JAK1: variants seen among roughly 807,000 people sequenced by gnomAD.
JAK1 encodes the protein tyrosine-protein kinase JAK1.
JAK1 carries 16 observed loss-of-function variants against 136.6 expected under a neutral mutation model. The ratio of observed to expected loss-of-function variants is 0.12; its 90% CI spans 0.08 to 0.18. JAK1 has a LOEUF of 0.18. Among genes scored for constraint, JAK1 ranks in the 10% least tolerant of loss-of-function variants. The pLI, the probability that JAK1 is intolerant of heterozygous loss-of-function variation, is 1.00. For missense variants in JAK1, 859 were observed against 1,450.1 expected (o/e 0.59, Z 6.62); for synonymous variants, 492 against 519.5 (o/e 0.95, Z 0.72).
chr1:65,027,384 T>C (rs1291690738), intron 2 of JAK1, among the ~76,000 whole-genome samples: 1 of 152,100 alleles, frequency 6.6e-6, no homozygotes, highest in Non-Finnish European at 1.5e-5. Flanking sequence ...ATCCTTGACA[T>C]CACTGCCGAC....
intron 2 of JAK1, among the ~76,000 whole-genome samples, chr1:65,009,968 C>T (rs1646834896): frequency 6.6e-6 from 1 of 152,182 alleles, no homozygotes; most frequent in Admixed American, 6.5e-5. Flanking sequence ...TAGTGTACTG[C>T]AATGGATTAT....
chr1:65,005,215 G>T (rs191742079), intron 2 of JAK1, among the ~76,000 whole-genome samples: 71 of 152,198 alleles, frequency 4.7e-4, no homozygotes, highest in African/African-American at 1.7e-3. Flanking sequence ...ATGGTGGCAC[G>T]CACCTGTAAT....
chr1:64,968,753 G>A (rs942976815), upstream of JAK1, among the ~76,000 whole-genome samples: 11 of 152,082 alleles, frequency 7.2e-5, no homozygotes, highest in Admixed American at 2.0e-4. Flanking sequence ...CCAACATGGC[G>A]AAACCCCATC....
intron 1 of JAK1, among the ~76,000 whole-genome samples, chr1:64,887,980 C>G (rs972514379): frequency 6.6e-6 from 1 of 152,136 alleles, no homozygotes; most frequent in African/African-American, 2.4e-5. Context: ...GGTTTCCTCA[C>G]AGCATACCGT....
intron 2 of JAK1, chr1:64,995,224 T>C (rs1030848473): frequency 4.6e-5 from 7 of 152,170 alleles, no homozygotes; most frequent in Admixed American, 1.3e-4. Context: ...GATTAGGAGA[T>C]TGATAGATTT....
upstream of JAK1, among the ~76,000 whole-genome samples, chr1:64,970,167 A>C (rs1225309941): frequency 5.7e-5 from 8 of 139,654 alleles, no homozygotes; most frequent in Non-Finnish European, 1.1e-4. Flanking sequence ...GGCCGGGCAC[A>C]GTGGCTCACA....
chr1:64,836,034 A>G (rs1478694284), intron 23 of JAK1, 64 bp downstream of exon 23: 2 of 858,826 alleles, frequency 2.3e-6, no homozygotes, highest in African/African-American at 1.7e-5. Context: ...AAGTTAACCA[A>G]GCAGAGGGAT....
intron 1 of JAK1, among the ~76,000 whole-genome samples, chr1:64,942,881 A>AT (rs201410205): frequency 6.6e-6 from 1 of 152,140 alleles, no homozygotes; most frequent in Non-Finnish European, 1.5e-5. Flanking sequence ...AACTGTCTTA[A>AT]TTTTTTTAAA....
rs78806995 is a variant in JAK1, at chr1:64,943,619, G to C, written c.-78+22714C>G. Among the ~76,000 whole-genome samples, 674 of 152,136 alleles carry C rather than the reference G, an allele frequency of 4.4e-3. 3 individuals carry two copies. The highest frequency in any genetic ancestry group is 0.015 in the African/African-American group (623 of 41,476). On this transcript the variant is annotated intron_variant, in intron 1 of 24. Coordinates refer to ENST00000342505, the MANE Select transcript of JAK1 (RefSeq NM_002227.4). ...CAAATATACCAAATATTAAGTCTAA[G>C]AGTTAAATATTTGTAGAATTAGAGG...
At chr1:64,997,699 T>C (rs1274658676) in intron 2 of JAK1, among the ~76,000 whole-genome samples, 2 of 152,128 alleles carry the variant, frequency 1.3e-5, no homozygotes, top group Admixed American at 6.5e-5. Context: ...AATGGTGGTA[T>C]GAGTGTGGGA....
intron 17 of JAK1, among the ~76,000 whole-genome samples, chr1:64,842,930 TC>T (rs1271957107): frequency 1.3e-5 from 2 of 152,206 alleles, no homozygotes; most frequent in East Asian, 3.9e-4. Context: ...ACTCTGGACT[TC>T]CGCTGCCATT....
At chr1:64,850,453 C>T (rs1557632297) in intron 12 of JAK1, among the ~76,000 whole-genome samples, 2 of 152,236 alleles carry the variant, frequency 1.3e-5, no homozygotes, top group Non-Finnish European at 1.5e-5. Flanking sequence ...GGAGGTGCTC[C>T]ATCACACAGC....
chr1:64,971,798 A>T (rs1376765219), intron 2 of JAK1, among the ~76,000 whole-genome samples: 2 of 152,124 alleles, frequency 1.3e-5, no homozygotes, highest in African/African-American at 2.4e-5. Context: ...ACCTCAAGTG[A>T]TCCACCCACC....
intron 1 of JAK1, among the ~76,000 whole-genome samples, chr1:64,902,583 AGT>A (rs1297802875): frequency 1.4e-4 from 10 of 73,792 alleles, no homozygotes; most frequent in South Asian, 6.4e-4. Flanking sequence ...AGAGAGAGAG[AGT>A]GTGTGTGTGT....
chr1:65,035,385 A>C (rs1647063924), intron 2 of JAK1, among the ~76,000 whole-genome samples: 2 of 152,194 alleles, frequency 1.3e-5, no homozygotes, highest in African/African-American at 4.8e-5. Context: ...ACTATAAGCA[A>C]GTGAGTATAA....
At chr1:64,900,609 T>C (rs959024116) in intron 1 of JAK1, among the ~76,000 whole-genome samples, 1 of 152,170 alleles carries the variant, frequency 6.6e-6, no homozygotes, top group Non-Finnish European at 1.5e-5. Context: ...CTGTTCTAAC[T>C]CTGTTGTCTC....
upstream of JAK1, among the ~76,000 whole-genome samples, chr1:64,968,205 C>T (rs565246300): frequency 8.5e-5 from 13 of 152,092 alleles, no homozygotes; most frequent in East Asian, 2.3e-3. Flanking sequence ...TCTGGCTGTT[C>T]ACAGGGTGGA....
intron 1 of JAK1, chr1:65,066,862 C>A (rs1648071653): frequency 6.5e-6 from 1 of 152,852 alleles, no homozygotes. Flanking sequence ...AAGGGACCCA[C>A]GCCAGCACCC....
chr1:65,034,720 T>G (rs1339643822), intron 2 of JAK1, among the ~76,000 whole-genome samples: 1 of 152,234 alleles, frequency 6.6e-6, no homozygotes, highest in Non-Finnish European at 1.5e-5. Flanking sequence ...TTCACTGTTT[T>G]GTTTCTCATG....
Sources: gnomAD v4.1 joint callset for allele counts (sites outside exome capture counted in the v4.1 genomes callset) on GRCh38, gnomAD v4.1.1 for gene constraint, MANE v1.5 for transcripts, NCBI Gene and HGNC (gene_info 2026-07-23, HGNC 2026-07-21) for gene names.